Variants in DNAH14 observed in about 807,000 individuals in gnomAD.
DNAH14 encodes the protein axonemal beta dynein heavy chain 14.
DNAH14 carries 478 observed loss-of-function variants against 520.9 expected under a neutral mutation model. That is an observed-to-expected ratio of 0.92 (90% confidence interval 0.85 to 0.99). The LOEUF is 0.99. DNAH14 is among the 50% of genes least tolerant of loss of function. The probability of loss-of-function intolerance (pLI) is 0.00; values close to 1 mark genes in which losing one functional copy is unlikely to be tolerated. For missense variants in DNAH14, 4,831 were observed against 5,234.5 expected (o/e 0.92, Z 2.38); for synonymous variants, 1,581 against 1,757.2 (o/e 0.90, Z 2.51).
At chr1:225,054,077 C>T (rs2068803481) in intron 17 of DNAH14, among the ~76,000 whole-genome samples, 1 of 152,112 alleles carries the variant, frequency 6.6e-6, no homozygotes, top group South Asian at 2.1e-4. Flanking sequence ...AGCTCAGAGA[C>T]GTTAATGCCG....
intron 8 of DNAH14, among the ~76,000 whole-genome samples, chr1:224,987,771 C>T (rs777701792): frequency 3.3e-5 from 5 of 152,044 alleles, no homozygotes; most frequent in South Asian, 2.1e-4. Flanking sequence ...GGATTACAGG[C>T]GCCCGCCACC....
At chr1:225,273,380 G>C (rs981156486) in intron 52 of DNAH14, among the ~76,000 whole-genome samples, 6 of 152,214 alleles carry the variant, frequency 3.9e-5, no homozygotes, top group Admixed American at 3.3e-4. Context: ...GCAGTGAGCC[G>C]ATGAGCCGAG....
In DNAH14 at chr1:225,381,519, C is replaced by T; in HGVS notation, c.13017C>T (p.Thr4339=). The change falls in exon 81 of 86, where the codon ACC becomes ACT. Residue 4339 remains threonine, a synonymous_variant. Transcript: ENST00000682510. ...CTATAAAAGGAGAGATCATCCTCAC[C>T]CAAGAATTGGAGGAAATATTTAACT... ...QLAIKGEIIL[T]QELEEIFNSF... is the part of the protein sequence containing the mutation. 1 of 1,547,652 alleles carries T rather than the reference C, an allele frequency of 6.5e-7. No individual in the cohort carries two copies. The highest frequency in any genetic ancestry group is 8.7e-7 in the Non-Finnish European group (1 of 1,145,956).
intron 23 of DNAH14, among the ~76,000 whole-genome samples, chr1:225,103,525 TG>T (rs1458721219): frequency 1.3e-5 from 2 of 152,290 alleles, no homozygotes; most frequent in African/African-American, 4.8e-5. Flanking sequence ...CCCATGAGCA[TG>T]GAATGTTCTT....
At chr1:225,385,865 A>G (rs963691667) in intron 81 of DNAH14, among the ~76,000 whole-genome samples, 18 of 152,324 alleles carry the variant, frequency 1.2e-4, no homozygotes, top group Admixed American at 9.1e-4. Flanking sequence ...TCTTCACAGA[A>G]TTGGAAAAAA....
intron 78 of DNAH14, among the ~76,000 whole-genome samples, chr1:225,376,055 T>G (rs1470876927): frequency 1.3e-5 from 2 of 152,050 alleles, no homozygotes; most frequent in Non-Finnish European, 2.9e-5. Context: ...ACCACTGCAT[T>G]CCATCCTGGG....
intron 64 of DNAH14, among the ~76,000 whole-genome samples, chr1:225,327,138 A>G (rs1321640326): frequency 6.7e-6 from 1 of 149,852 alleles, no homozygotes; most frequent in Non-Finnish European, 1.5e-5. Context: ...GGCAATAATA[A>G]CATGAAGGTT....
chr1:225,117,187 G>A (rs922058334), intron 23 of DNAH14, among the ~76,000 whole-genome samples: 2 of 151,984 alleles, frequency 1.3e-5, no homozygotes, highest in African/African-American at 2.4e-5. Context: ...GTTATAGAAA[G>A]GAGTGAGAAA....
chr1:225,136,845 ATTCC>A (rs2148994262), intron 27 of DNAH14, among the ~76,000 whole-genome samples: 1 of 152,090 alleles, frequency 6.6e-6, no homozygotes, highest in East Asian at 1.9e-4. Flanking sequence ...GGTTTTGTTC[ATTCC>A]TTATCATTCT....
chr1:225,365,246 G>T (rs892210143), intron 76 of DNAH14, among the ~76,000 whole-genome samples: 4 of 151,960 alleles, frequency 2.6e-5, no homozygotes, highest in African/African-American at 9.7e-5. Flanking sequence ...CTCTAGAAAG[G>T]GTCTGACAGA....
At chr1:225,172,555 A>T (rs2082821211) in intron 36 of DNAH14, among the ~76,000 whole-genome samples, 1 of 152,220 alleles carries the variant, frequency 6.6e-6, no homozygotes. Flanking sequence ...CCAACTTACA[A>T]GGGATATGAA....
At chr1:225,369,826 A>C (rs2095597181) in intron 77 of DNAH14, among the ~76,000 whole-genome samples, 1 of 152,188 alleles carries the variant, frequency 6.6e-6, no homozygotes, top group African/African-American at 2.4e-5. Context: ...TTTGACCCCT[A>C]AAAATCTAAA....
Position 225,204,241 on chromosome 1 carries a change from TAGAG to T in DNAH14, c.5947_5950del (p.Glu1983LysfsTer18), listed in dbSNP as rs771463139. On this transcript the variant is annotated frameshift_variant, in exon 39 of 86. Coordinates refer to ENST00000682510, the MANE Select transcript of DNAH14 (RefSeq NM_001367479.1). LOFTEE classifies it high-confidence loss of function. ...ACTGATGATAATATTTTTGAGGAGA[TAGAG>T]AAAGTTGTTAAAATTCCAGAAAATC... 3.9e-5 allele frequency: 59 copies of T among 1,494,664 alleles called. No homozygotes were observed. Among genetic ancestry groups the T allele is most frequent in the East Asian group, 2.9e-4 (11 of 37,538 alleles). The allele number at this position is 1,494,664 out of a possible 1,614,324, so 92.6% of individuals were successfully genotyped here.
intron 10 of DNAH14, among the ~76,000 whole-genome samples, chr1:225,022,223 A>C (rs955786348): frequency 5.9e-5 from 9 of 152,184 alleles, no homozygotes; most frequent in African/African-American, 2.2e-4. Flanking sequence ...CCCCAAATGC[A>C]ATTGCAGCAA....
At chr1:225,055,437 T>C (rs2148347369) in intron 17 of DNAH14, among the ~76,000 whole-genome samples, 1 of 152,296 alleles carries the variant, frequency 6.6e-6, no homozygotes, top group East Asian at 1.9e-4. Flanking sequence ...TAGTTTACTG[T>C]AACCTCAAAC....
chr1:224,967,689 G>A, intron 6 of DNAH14, 106 bp downstream of exon 6: 1 of 1,597,766 alleles, frequency 6.3e-7, no homozygotes, highest in East Asian at 2.3e-5. Context: ...GAGATACTTG[G>A]TCATTTGTGG....
rs559448805 is a variant in DNAH14 at position 225,285,553 on chromosome 1, A to G, written c.8272-4332A>G. On this transcript the variant is annotated intron_variant, in intron 54 of 85. Transcript: ENST00000682510. ...GAGCGAGACTCTGTCTCAAAAAAGAAAAAGAAAAATAAACAGATGCTGGCC... is the reference window on the plus strand; with the variant it reads ...GAGCGAGACTCTGTCTCAAAAAAGAGAAAGAAAAATAAACAGATGCTGGCC... 4.6e-5 allele frequency among the ~76,000 whole-genome samples: 7 copies of G among 151,636 alleles called. No homozygotes were observed. In the South Asian group the frequency reaches 1.5e-3, roughly 32 times the overall value.
intron 17 of DNAH14, among the ~76,000 whole-genome samples, chr1:225,069,537 C>A (rs534892432): frequency 5.3e-5 from 8 of 152,274 alleles, no homozygotes; most frequent in African/African-American, 1.9e-4. Flanking sequence ...ACCAACTTTG[C>A]ATCTTGGGGA....
At chr1:225,123,688 G>A in intron 27 of DNAH14, 74 bp downstream of exon 27, 1 of 246,378 alleles carries the variant, frequency 4.1e-6, no homozygotes, top group Admixed American at 4.8e-5. Flanking sequence ...TCAGACCACT[G>A]TAATAAAGAG....
Sources: gnomAD v4.1 joint callset for allele counts (sites outside exome capture counted in the v4.1 genomes callset) on GRCh38, gnomAD v4.1.1 for gene constraint, MANE v1.5 for transcripts, NCBI Gene and HGNC (gene_info 2026-07-23, HGNC 2026-07-21) for gene names.